ST3GAL1: variants seen among roughly 807,000 people sequenced by gnomAD.
ST3GAL1 encodes CMP-N-acetylneuraminate-beta-galactosamide-alpha-2,3-sialyltransferase 1.
Under a neutral mutation model 34.1 loss-of-function variants are expected in ST3GAL1, and 16 were observed. That is an observed-to-expected ratio of 0.47 (90% confidence interval 0.32 to 0.71). The LOEUF (loss-of-function observed/expected upper bound fraction) is 0.71. Among genes scored for constraint, ST3GAL1 ranks in the 30% least tolerant of loss-of-function variants. ST3GAL1 has a pLI of 0.04. For synonymous variants in ST3GAL1, 191 were observed against 184.7 expected, an observed-to-expected ratio of 1.03 and a Z score of -0.28; for missense variants, 353 against 447.4, an observed-to-expected ratio of 0.79 and a Z score of 1.90.
rs1819019355 is a variant in ST3GAL1 at position 133,556,296 on chromosome 8, G to A, written c.-581-10370C>T. Among the ~76,000 whole-genome samples the A allele has an allele frequency of 6.6e-6, 1 of 152,170 alleles. No homozygotes were observed. The highest frequency in any genetic ancestry group is 2.1e-4 in the South Asian group (1 of 4,836). ...CTAAGCTCGGACGTGGAAGTCACTT[G>A]CCCCAGATCTCACCACTGATCAACA... is the stretch of plus-strand genomic sequence containing the variant. On this transcript the variant is annotated intron_variant, in intron 1 of 9. Coordinates refer to ENST00000522652, the MANE Select transcript of ST3GAL1 (RefSeq NM_173344.3). This position sits in a 1 kb window ranked among gnomAD's most constrained non-coding sequence, Gnocchi z 8.9.
intron 2 of ST3GAL1, among the ~76,000 whole-genome samples, chr8:133,533,034 C>T (rs891144330): frequency 5.9e-5 from 9 of 152,180 alleles, no homozygotes; most frequent in Non-Finnish European, 5.9e-5. Flanking sequence ...TTCTTGACTA[C>T]GTTTCCTTCA....
At chr8:133,518,020 T>C (rs907102410) in intron 2 of ST3GAL1, among the ~76,000 whole-genome samples, 2 of 152,236 alleles carry the variant, frequency 1.3e-5, no homozygotes, top group Non-Finnish European at 2.9e-5. Context: ...CACTGCTCTC[T>C]ACTGTCTTGC....
At chr8:133,531,779 C>T (rs1818160477) in intron 2 of ST3GAL1, among the ~76,000 whole-genome samples, 2 of 132,374 alleles carry the variant, frequency 1.5e-5, no homozygotes, top group African/African-American at 5.8e-5. Flanking sequence ...AACACACCCA[C>T]ACGTTCTGCA....
intron 2 of ST3GAL1, among the ~76,000 whole-genome samples, chr8:133,523,387 C>T (rs529933922): frequency 5.0e-4 from 76 of 152,316 alleles, no homozygotes; most frequent in African/African-American, 1.6e-3. Flanking sequence ...ACAGCCAAAC[C>T]ACCTGAGCCT....
At chr8:133,568,654 C>G (rs1819477180) in intron 1 of ST3GAL1, among the ~76,000 whole-genome samples, 2 of 152,078 alleles carry the variant, frequency 1.3e-5, no homozygotes, top group Admixed American at 1.3e-4. Context: ...AAAGCTCTAC[C>G]CAAATATAAA....
rs1276877015 is a variant in ST3GAL1, at chr8:133,508,786, A to G, written c.-428-9597T>C. ...GGAGATACAATGAGGAGTGAAATAT[A>G]TAGTCCCTCTCTGAAAGCTTGTGCA... is the stretch of plus-strand genomic sequence containing the variant. On this transcript the variant is annotated intron_variant, in intron 2 of 9. Coordinates refer to ENST00000522652, the MANE Select transcript of ST3GAL1 (RefSeq NM_173344.3). This position sits in a 1 kb window ranked among gnomAD's most constrained non-coding sequence, Gnocchi z 4.1. 6.6e-6 allele frequency among the ~76,000 whole-genome samples: 1 copy of G among 152,148 alleles called. No homozygotes were observed. Among genetic ancestry groups the G allele is most frequent in the Admixed American group, 6.5e-5 (1 of 15,274 alleles).
intron 2 of ST3GAL1, among the ~76,000 whole-genome samples, chr8:133,511,878 C>T (rs1328532096): frequency 1.3e-5 from 2 of 152,048 alleles, no homozygotes; most frequent in African/African-American, 4.8e-5. Flanking sequence ...GTGGTGAAAC[C>T]CCATCTCTAC....
chr8:133,487,343 G>T (rs1338992945), intron 3 of ST3GAL1, among the ~76,000 whole-genome samples: 2 of 52,446 alleles, frequency 3.8e-5, no homozygotes, highest in South Asian at 1.8e-3. Context: ...CATCACAAAA[G>T]AATATTTAAC....
Position 133,459,699 on chromosome 8 carries a change from A to C in ST3GAL1, c.*65T>G. ...CCAAGCTCCGGGATGGAACGGCTCC[A>C]GCAAGATGCTGGGGCTGGAAATGCA... is the stretch of plus-strand genomic sequence containing the variant. On this transcript the variant is annotated 3_prime_UTR_variant, in exon 10 of 10. Transcript: ENST00000522652. This position sits in a 1 kb window ranked among gnomAD's most constrained non-coding sequence, Gnocchi z 4.7. 6.5e-7 allele frequency: 1 copy of C among 1,537,358 alleles called. No individual in the cohort carries two copies.
intron 1 of ST3GAL1, among the ~76,000 whole-genome samples, chr8:133,557,646 G>C (rs1401320131): frequency 1.3e-5 from 2 of 152,180 alleles, no homozygotes; most frequent in Non-Finnish European, 2.9e-5. Context: ...TCAAGAGTTT[G>C]AGACTAGCCT....
At chr8:133,538,242 TG>T (rs1379656897) in intron 2 of ST3GAL1, among the ~76,000 whole-genome samples, 2 of 152,228 alleles carry the variant, frequency 1.3e-5, no homozygotes, top group Non-Finnish European at 2.9e-5. Flanking sequence ...TGGCCGGGCA[TG>T]GTGGCTCATG....
chr8:133,505,232 T>G (rs1265438484), intron 2 of ST3GAL1, among the ~76,000 whole-genome samples: 1 of 152,148 alleles, frequency 6.6e-6, no homozygotes, highest in African/African-American at 2.4e-5. Context: ...GCCTGGAACA[T>G]AGAGATAGTG....
At chr8:133,558,043 T>C (rs997229078) in intron 1 of ST3GAL1, among the ~76,000 whole-genome samples, 5 of 152,154 alleles carry the variant, frequency 3.3e-5, no homozygotes, top group African/African-American at 1.2e-4. Flanking sequence ...ATCCTTAAAT[T>C]CAGATAGCTC....
intron 5 of ST3GAL1, among the ~76,000 whole-genome samples, chr8:133,468,680 T>A (rs1163100639): frequency 6.6e-6 from 1 of 152,242 alleles, no homozygotes; most frequent in African/African-American, 2.4e-5. Flanking sequence ...ATAAAATGCC[T>A]GATTCTGATG....
intron 2 of ST3GAL1, among the ~76,000 whole-genome samples, chr8:133,531,467 C>T (rs947464791): frequency 6.6e-6 from 1 of 152,132 alleles, no homozygotes; most frequent in African/African-American, 2.4e-5. Context: ...TATTATCCCA[C>T]TTTACAGAGG....
chr8:133,541,022 C>T (rs537726380), intron 2 of ST3GAL1, among the ~76,000 whole-genome samples: 7 of 92,140 alleles, frequency 7.6e-5, no homozygotes, highest in African/African-American at 2.3e-4. Flanking sequence ...TATATGCAGA[C>T]ATATATATAG....
At chr8:133,488,881 C>A (rs991431167) in intron 3 of ST3GAL1, among the ~76,000 whole-genome samples, 1 of 152,032 alleles carries the variant, frequency 6.6e-6, no homozygotes, top group Non-Finnish European at 1.5e-5. Context: ...GGGGGCCAGG[C>A]AAGGTCTGGT....
chr8:133,517,086 G>T (rs573560750), intron 2 of ST3GAL1, among the ~76,000 whole-genome samples: 1 of 152,352 alleles, frequency 6.6e-6, no homozygotes, highest in South Asian at 2.1e-4. Flanking sequence ...GCTAGAATTT[G>T]CCCTGTGCCA....
chr8:133,510,353 T>C (rs150625975), intron 2 of ST3GAL1, among the ~76,000 whole-genome samples: 3 of 152,210 alleles, frequency 2.0e-5, no homozygotes, highest in East Asian at 1.9e-4. Flanking sequence ...TCACCTCACA[T>C]CATGTGAAAC....
Sources: allele counts gnomAD v4.1 joint callset (sites outside exome capture counted in the v4.1 genomes callset), GRCh38; gene constraint gnomAD v4.1.1; non-coding constraint Gnocchi (gnomAD v3.1); transcripts MANE v1.5; gene names NCBI Gene and HGNC (gene_info 2026-07-23, HGNC 2026-07-21).